SIDT1: variants seen among roughly 807,000 people sequenced by gnomAD.
SIDT1 encodes the protein SID1 transmembrane family member 1.
In SIDT1, 101 loss-of-function variants were observed where a neutral mutation model predicts 107.5. The ratio of observed to expected loss-of-function variants is 0.94; its 90% CI spans 0.80 to 1.11. SIDT1 has a LOEUF of 1.11. Ranked by LOEUF, SIDT1 falls within the 50% of genes least tolerant of loss-of-function variation. The pLI, the probability that SIDT1 is intolerant of heterozygous loss-of-function variation, is 0.00. For synonymous variants in SIDT1, 395 were observed against 398.2 expected (o/e 0.99, Z 0.10); for missense variants, 1,076 against 1,058.2 (o/e 1.02, Z -0.23).
intron 1 of SIDT1, 86 bp downstream of exon 1, chr3:113,533,329 A>C: frequency 1.9e-6 from 2 of 1,049,856 alleles, no homozygotes; most frequent in Non-Finnish European, 1.3e-6. Context: ...CTGGGAATTG[A>C]CCTTGGGAGA....
At chr3:113,604,883 C>T (rs1456856932) in intron 13 of SIDT1, 27 bp from the exon 14 acceptor site, 2 of 1,612,610 alleles carry the variant, frequency 1.2e-6, no homozygotes, top group South Asian at 1.1e-5. Flanking sequence ...TGAAAATAAG[C>T]ATTTCTGGTT....
chr3:113,628,812 C>A lies in SIDT1; in HGVS notation c.*1104C>A, dbSNP rs1947011340. 1 of 152,228 alleles carries A rather than the reference C, an allele frequency of 6.6e-6. No individual in the cohort carries two copies. The highest frequency in any genetic ancestry group is 6.5e-5 in the Admixed American group (1 of 15,282). 9.4% of individuals were successfully genotyped at this position (152,228 alleles called of 1,614,324 possible). On this transcript the variant is annotated 3_prime_UTR_variant, in exon 25 of 25. Coordinates refer to ENST00000264852, the MANE Select transcript of SIDT1 (RefSeq NM_017699.3). ...TCTTCCCTGAGGTTCTCAGAAGCAG[C>A]TCTCAGGATGAACGTATTGTCCTCT... is the stretch of plus-strand genomic sequence containing the variant.
chr3:113,570,762 G>A (rs1001569573), intron 3 of SIDT1, among the ~76,000 whole-genome samples: 4 of 152,172 alleles, frequency 2.6e-5, no homozygotes, highest in East Asian at 3.9e-4. Context: ...GAAGTAATTC[G>A]AAATCTCTAA....
chr3:113,578,160 G>A (rs1463413483), intron 4 of SIDT1, among the ~76,000 whole-genome samples: 1 of 152,220 alleles, frequency 6.6e-6, no homozygotes, highest in Non-Finnish European at 1.5e-5. Context: ...TGCAAAGAGA[G>A]AAACCTAAAG....
At chr3:113,586,769 T>C (rs997834740) in intron 9 of SIDT1, among the ~76,000 whole-genome samples, 2 of 152,214 alleles carry the variant, frequency 1.3e-5, no homozygotes. Context: ...AATGTCACTT[T>C]TGTAGCATTC....
chr3:113,607,403 AC>A (rs1301318328), intron 15 of SIDT1, among the ~76,000 whole-genome samples: 1 of 152,204 alleles, frequency 6.6e-6, no homozygotes, highest in Non-Finnish European at 1.5e-5. Flanking sequence ...TGAGCTGGCA[AC>A]CTATTGTCTC....
chr3:113,597,379 C>T (rs1944640470), intron 10 of SIDT1, among the ~76,000 whole-genome samples: 1 of 151,758 alleles, frequency 6.6e-6, no homozygotes, highest in South Asian at 2.1e-4. Context: ...TACCTGTAGT[C>T]CCAGCTACTC....
At chr3:113,590,387 C>A (rs1244374769) in intron 9 of SIDT1, among the ~76,000 whole-genome samples, 1 of 152,226 alleles carries the variant, frequency 6.6e-6, no homozygotes, top group Admixed American at 6.5e-5. Flanking sequence ...ACCCCTCCAA[C>A]CTCATTTTGA....
At chr3:113,601,786 T>C (rs1944978913) in intron 11 of SIDT1, 127 bp downstream of exon 11, 2 of 595,726 alleles carry the variant, frequency 3.4e-6, no homozygotes, top group African/African-American at 1.9e-5. Context: ...TTGTCTTTTA[T>C]TTGTAAGATG....
At chr3:113,571,486 GCA>G (rs60256247) in intron 3 of SIDT1, among the ~76,000 whole-genome samples, 15 of 148,946 alleles carry the variant, frequency 1.0e-4, no homozygotes, top group African/African-American at 1.5e-4. Context: ...CCTATCCTCT[GCA>G]CACACACACA....
chr3:113,567,778 A>G (rs1942058300), intron 3 of SIDT1, 68 bp downstream of exon 3: 6 of 1,484,474 alleles, frequency 4.0e-6, no homozygotes, highest in East Asian at 4.5e-5. Context: ...TTCATCTTCC[A>G]TCCTTACAGA....
chr3:113,600,338 A>G (rs4282032), intron 10 of SIDT1, among the ~76,000 whole-genome samples: 113,425 of 151,768 alleles, frequency 0.75, 42,385 homozygotes, highest in South Asian at 0.78. Context: ...TTCATAAAAA[A>G]AAAATAAGTT....
At chr3:113,588,284 G>A (rs1261247507) in intron 9 of SIDT1, among the ~76,000 whole-genome samples, 1 of 152,162 alleles carries the variant, frequency 6.6e-6, no homozygotes, top group Non-Finnish European at 1.5e-5. Flanking sequence ...ATAGAAATCT[G>A]GAGATGTAAG....
At chr3:113,553,295 G>T (rs1167830017) in intron 1 of SIDT1, among the ~76,000 whole-genome samples, 1 of 152,044 alleles carries the variant, frequency 6.6e-6, no homozygotes, top group Non-Finnish European at 1.5e-5. Flanking sequence ...AGGTAATCCT[G>T]ACAAACACGT....
chr3:113,549,818 C>T (rs1325256928), intron 1 of SIDT1, among the ~76,000 whole-genome samples: 1 of 152,016 alleles, frequency 6.6e-6, no homozygotes, highest in African/African-American at 2.4e-5. Context: ...GTCACCAAAT[C>T]AAAAGTCACC....
rs147228944 is a variant in SIDT1, at chr3:113,562,192, A to C, written c.223-4228A>C. Among the ~76,000 whole-genome samples, 7 of 152,350 alleles carry C rather than the reference A, an allele frequency of 4.6e-5. No individual in the cohort carries two copies. The East Asian group carries it at 1.3e-3, about 29-fold the overall frequency. On this transcript the variant is annotated intron_variant, in intron 1 of 24. Coordinates refer to ENST00000264852, the MANE Select transcript of SIDT1 (RefSeq NM_017699.3). ...CCCACTAGGATGGCTATATTCAAAA[A>C]AAAAAGATAGTGACAAGTGTTGGCA... is the stretch of plus-strand genomic sequence containing the variant.
At chr3:113,636,433 G>A in the SIDT1 span, among the ~76,000 whole-genome samples, 2 of 151,986 alleles carry the variant, frequency 1.3e-5, no homozygotes, top group Non-Finnish European at 2.9e-5. Context: ...TATTTAAAGT[G>A]AATTTGCACA....
At chr3:113,577,916 C>A (rs1351837625) in intron 4 of SIDT1, among the ~76,000 whole-genome samples, 1 of 152,170 alleles carries the variant, frequency 6.6e-6, no homozygotes, top group Admixed American at 6.5e-5. Context: ...TGATTTTAAG[C>A]TCCCATTGTG....
intron 23 of SIDT1, 87 bp from the exon 24 acceptor site, chr3:113,626,015 A>T: frequency 1.1e-6 from 1 of 874,048 alleles, no homozygotes; most frequent in Non-Finnish European, 1.9e-6. Context: ...GACATCTAGT[A>T]GCGTTTTTGT....
Sources: gnomAD v4.1 joint callset for allele counts (sites outside exome capture counted in the v4.1 genomes callset) on GRCh38, gnomAD v4.1.1 for gene constraint, MANE v1.5 for transcripts, NCBI Gene and HGNC (gene_info 2026-07-23, HGNC 2026-07-21) for gene names.